The following SAR1A variants were observed in gnomAD, a reference collection of about 807,000 sequenced individuals.
The protein encoded by SAR1A is secretion associated Ras related GTPase 1A.
In SAR1A, 6 loss-of-function variants were observed where a neutral mutation model predicts 22.6. The ratio of observed to expected loss-of-function variants is 0.27; its 90% CI spans 0.15 to 0.52. SAR1A has a LOEUF of 0.52. SAR1A is among the 20% of genes least tolerant of loss of function. SAR1A has a pLI of 0.96. For missense variants in SAR1A, 145 were observed against 245.1 expected (o/e 0.59, Z 2.73); for synonymous variants, 70 against 82.2 (o/e 0.85, Z 0.80).
chr10:70,163,643 T>A (rs945133949), intron 1 of SAR1A: 11 of 732,976 alleles, frequency 1.5e-5, no homozygotes, highest in African/African-American at 1.2e-4. Flanking sequence ...GCGAGCAGAG[T>A]GGTTGTGTGG....
chr10:70,151,171 G>A lies in SAR1A; in HGVS notation c.*1305C>T, dbSNP rs1839320344. The A allele has an allele frequency of 6.8e-6, 1 of 146,216 alleles. No individual in the cohort carries two copies. Among genetic ancestry groups the A allele is most frequent in the Admixed American group, 7.2e-5 (1 of 13,824 alleles). The allele number at this position is 146,216 out of a possible 1,614,324, so 9.1% of individuals were successfully genotyped here. On this transcript the variant is annotated 3_prime_UTR_variant, in exon 7 of 7. Coordinates refer to ENST00000373241, the MANE Select transcript of SAR1A (RefSeq NM_020150.5). ...TGAGTCTTTACTGCCAATAAGTGATGCTGCCTCCAAAGGAACAGCTCTACA... is the reference window on the plus strand; with the variant it reads ...TGAGTCTTTACTGCCAATAAGTGATACTGCCTCCAAAGGAACAGCTCTACA...
chr10:70,151,760 C>T lies in SAR1A; in HGVS notation c.*716G>A, dbSNP rs1416218600. 1.3e-5 allele frequency: 2 copies of T among 152,592 alleles called. No homozygotes were observed. Among genetic ancestry groups the T allele is most frequent in the African/African-American group, 4.8e-5 (2 of 41,436 alleles). The allele number at this position is 152,592 out of a possible 1,614,324, so 9.5% of individuals were successfully genotyped here. A position where few individuals can be genotyped will look rare whatever the true frequency, so the allele number is the denominator to read the frequency against. On this transcript the variant is annotated 3_prime_UTR_variant, in exon 7 of 7. Coordinates refer to ENST00000373241, the MANE Select transcript of SAR1A (RefSeq NM_020150.5). ...ACAATAACCCATTCTATAATTAACT[C>T]CTCCACAGTGAACAATCTGCTACAC...
In SAR1A at chr10:70,153,958, A is replaced by G; in HGVS notation, c.360T>C (p.Thr120=). ...ESKVELNALM[T]DETISNVPIL... ...TTGGCACATTGGATATTGTTTCATCAGTCATTAAAGCCTAAAGATTGAAAA... is the reference window on the plus strand; with the variant it reads ...TTGGCACATTGGATATTGTTTCATCGGTCATTAAAGCCTAAAGATTGAAAA... The change falls in exon 6 of 7, where the codon ACT becomes ACC. Residue 120 remains threonine, a synonymous_variant. Coordinates refer to ENST00000373241, the MANE Select transcript of SAR1A (RefSeq NM_020150.5). The G allele has an allele frequency of 6.3e-7, 1 of 1,582,138 alleles. No homozygotes were observed. The highest frequency in any genetic ancestry group is 1.9e-5 in the Admixed American group (1 of 53,090).
rs1839301701 is a variant in SAR1A, at chr10:70,149,519, T to G, written c.*2957A>C. ...CCTAGTAAAGGAAATTCTTTCTTTC[T>G]CATTTTGCCAAATGTAGCATTTAAT... On this transcript the variant is annotated 3_prime_UTR_variant, in exon 7 of 7. Coordinates refer to ENST00000373241, the MANE Select transcript of SAR1A (RefSeq NM_020150.5). The G allele has an allele frequency of 6.8e-6, 1 of 147,044 alleles. No homozygotes were observed. The highest frequency in any genetic ancestry group is 2.5e-5 in the African/African-American group (1 of 40,042). The allele number at this position is 147,044 out of a possible 1,614,324, so 9.1% of individuals were successfully genotyped here.
intron 6 of SAR1A, among the ~76,000 whole-genome samples, chr10:70,153,366 ACT>A (rs753744994): frequency 1.2e-4 from 18 of 152,090 alleles, no homozygotes; most frequent in African/African-American, 4.3e-4. Flanking sequence ...TGAACAAATC[ACT>A]CTCTGTTTCT....
intron 1 of SAR1A, among the ~76,000 whole-genome samples, chr10:70,168,342 C>G (rs1839578972): frequency 6.6e-6 from 1 of 152,224 alleles, no homozygotes; most frequent in Non-Finnish European, 1.5e-5. Flanking sequence ...TGCCTGTAAT[C>G]CCAGCACTTT....
intron 5 of SAR1A, among the ~76,000 whole-genome samples, chr10:70,156,165 A>G (rs114307305): frequency 6.6e-6 from 1 of 152,170 alleles, no homozygotes; most frequent in Non-Finnish European, 1.5e-5. Context: ...AGAGCTCAGG[A>G]GAGGTCTAGA....
In SAR1A at chr10:70,161,689, T is replaced by C. The variant is rs925986900; in HGVS notation, c.108A>G (p.Ala36=). 5 of 1,612,986 alleles carry C rather than the reference T, an allele frequency of 3.1e-6. No individual in the cohort carries two copies. In the African/African-American group the frequency reaches 6.7e-5, roughly 22 times the overall value. Residue 36 remains alanine (A), a synonymous_variant, in exon 3 of 7, where the codon GCA becomes GCG. Coordinates refer to ENST00000373241, the MANE Select transcript of SAR1A (RefSeq NM_020150.5). ...GCATGTGAAGAAGAGTGGTTTTGCCTGCATTATCCAAACCTAAGAATACAA... is the reference window on the plus strand; with the variant it reads ...GCATGTGAAGAAGAGTGGTTTTGCCCGCATTATCCAAACCTAAGAATACAA... ...GKLVFLGLDN[A]GKTTLLHMLK... is the part of the protein sequence containing the mutation.
At position 70,151,258 on chromosome 10, in the gene SAR1A, C is replaced by CA. The variant is rs1839321887; in HGVS notation, c.*1217_*1218insT. 1 of 73,336 alleles carries CA rather than the reference C, an allele frequency of 1.4e-5. No individual in the cohort carries two copies. Among genetic ancestry groups the CA allele is most frequent in the South Asian group, 5.2e-4 (1 of 1,926 alleles). 4.5% of individuals were successfully genotyped at this position (73,336 alleles called of 1,614,324 possible). ...TGCAATGGAGAAAGACAATTTCATACCAAAAAAAAAAAAAAAAAAAAAAAA... is the reference window on the plus strand; with the variant it reads ...TGCAATGGAGAAAGACAATTTCATACACAAAAAAAAAAAAAAAAAAAAAAAA... On this transcript the variant is annotated 3_prime_UTR_variant, in exon 7 of 7. Coordinates refer to ENST00000373241, the MANE Select transcript of SAR1A (RefSeq NM_020150.5).
At chr10:70,162,462 G>A (rs1322976919) in intron 1 of SAR1A, among the ~76,000 whole-genome samples, 2 of 136,252 alleles carry the variant, frequency 1.5e-5, no homozygotes, top group African/African-American at 5.5e-5. Flanking sequence ...AGAGAGGGGA[G>A]GGGAGGCGGG....
At chr10:70,168,836 C>G (rs779290470) in intron 1 of SAR1A, among the ~76,000 whole-genome samples, 67 of 152,090 alleles carry the variant, frequency 4.4e-4, no homozygotes, top group Non-Finnish European at 7.6e-4. Context: ...CCCCGCCCCC[C>G]TTTTCTTAAG....
At chr10:70,161,176 C>A in intron 3 of SAR1A, 107 bp from the exon 4 acceptor site, 2 of 856,526 alleles carry the variant, frequency 2.3e-6, no homozygotes, top group East Asian at 2.6e-5. Flanking sequence ...GAAAAAGATA[C>A]AAGAAGTTGA....
Position 70,152,598 on chromosome 10 carries a change from G to A in SAR1A, c.481-6C>T. 2.5e-6 allele frequency: 4 copies of A among 1,603,410 alleles called. No homozygotes were observed. The highest frequency in any genetic ancestry group is 3.4e-6 in the Non-Finnish European group (4 of 1,170,344). ...TCCTTCAGGGTCACATTCCCCTAAA[G>A]GAGGCAAAACCAAGAAAGGCCTGTT... On this transcript the variant is annotated splice_region_variant and splice_polypyrimidine_tract_variant and intron_variant, in intron 6 of 6. Coordinates refer to ENST00000373241, the MANE Select transcript of SAR1A (RefSeq NM_020150.5).
chr10:70,163,234 A>T (rs577858066), intron 1 of SAR1A, among the ~76,000 whole-genome samples: 18 of 152,362 alleles, frequency 1.2e-4, no homozygotes, highest in African/African-American at 4.3e-4. Flanking sequence ...CTTATTGCTG[A>T]TAAAAAATAA....
chr10:70,154,373 T>C (rs566060568), intron 5 of SAR1A, among the ~76,000 whole-genome samples: 15 of 152,252 alleles, frequency 9.9e-5, no homozygotes, highest in African/African-American at 2.6e-4. Flanking sequence ...CCAAGTCCCA[T>C]TGTGTGCGAA....
intron 4 of SAR1A, 29 bp from the exon 5 acceptor site, chr10:70,157,896 G>A (rs751337555): frequency 7.0e-7 from 1 of 1,436,958 alleles, no homozygotes; most frequent in Admixed American, 1.7e-5. Flanking sequence ...AGTTGCATGA[G>A]TAAAAAATAT....
Position 70,149,169 on chromosome 10 carries a change from GA to G in SAR1A, c.*3306del. 6.6e-6 allele frequency: 1 copy of G among 152,340 alleles called. No individual in the cohort carries two copies. Among genetic ancestry groups the G allele is most frequent in the Non-Finnish European group, 1.5e-5 (1 of 68,212 alleles). 9.4% of individuals were successfully genotyped at this position (152,340 alleles called of 1,614,324 possible). A position where few individuals can be genotyped will look rare whatever the true frequency, so the allele number is the denominator to read the frequency against. On this transcript the variant is annotated 3_prime_UTR_variant, in exon 7 of 7. Coordinates refer to ENST00000373241, the MANE Select transcript of SAR1A (RefSeq NM_020150.5). ...GGCTCACTGCAACCTCCGCTTCCCC[GA>G]TTCAAGCGATTCTCCTGCTTCAGCC...
In SAR1A at chr10:70,151,381, G is replaced by A. The variant is rs1194114088; in HGVS notation, c.*1095C>T. On this transcript the variant is annotated 3_prime_UTR_variant, in exon 7 of 7. Transcript: ENST00000373241. ...AAAAAAAAGAGCTCCCAAACAGCCT[G>A]AGAGACCAAATTCTGCAAATGGAAA... The A allele has an allele frequency of 6.6e-6, 1 of 151,344 alleles. No individual in the cohort carries two copies. The highest frequency in any genetic ancestry group is 1.5e-5 in the Non-Finnish European group (1 of 67,944). The allele number at this position is 151,344 out of a possible 1,614,324, so 9.4% of individuals were successfully genotyped here.
intron 1 of SAR1A, among the ~76,000 whole-genome samples, chr10:70,163,357 A>G (rs1197202419): frequency 6.6e-6 from 1 of 152,198 alleles, no homozygotes; most frequent in Non-Finnish European, 1.5e-5. Context: ...TGTAGGCAAA[A>G]CAGCCTTCTA....
Sources: allele counts gnomAD v4.1 joint callset (sites outside exome capture counted in the v4.1 genomes callset), GRCh38; gene constraint gnomAD v4.1.1; transcripts MANE v1.5; gene names NCBI Gene and HGNC (gene_info 2026-07-23, HGNC 2026-07-21).